The following SAMD12 variants were observed in gnomAD, a reference collection of about 807,000 sequenced individuals.
SAMD12 encodes sterile alpha motif domain-containing protein 12.
Under a neutral mutation model 15.0 loss-of-function variants are expected in SAMD12, and 9 were observed. The ratio of observed to expected loss-of-function variants is 0.60; its 90% CI spans 0.36 to 1.05. SAMD12 has a LOEUF of 1.05. Ranked by LOEUF, SAMD12 falls within the 50% of genes least tolerant of loss-of-function variation. The pLI, the probability that SAMD12 is intolerant of heterozygous loss-of-function variation, is 0.01. For synonymous variants in SAMD12, 86 were observed against 90.1 expected, an observed-to-expected ratio of 0.96 and a Z score of 0.25; for missense variants, 230 against 234.2, an observed-to-expected ratio of 0.98 and a Z score of 0.12.
intron 4 of SAMD12, among the ~76,000 whole-genome samples, chr8:118,235,367 T>C (rs995480095): frequency 6.6e-6 from 1 of 152,094 alleles, no homozygotes; most frequent in Non-Finnish European, 1.5e-5. Flanking sequence ...TGTGCCACTA[T>C]GCCCAGCTAA....
chr8:118,251,909 T>C (rs939470953), intron 4 of SAMD12, among the ~76,000 whole-genome samples: 11 of 151,728 alleles, frequency 7.2e-5, no homozygotes, highest in Admixed American at 4.6e-4. Context: ...AACAAAATAT[T>C]CAGTTGACTG....
chr8:118,489,349 C>T (rs1283372161), intron 2 of SAMD12, among the ~76,000 whole-genome samples: 1 of 152,114 alleles, frequency 6.6e-6, no homozygotes, highest in Non-Finnish European at 1.5e-5. Flanking sequence ...AATACATCTA[C>T]TTTATCATTT....
chr8:118,232,445 G>A (rs1202949321), intron 4 of SAMD12, among the ~76,000 whole-genome samples: 1 of 152,182 alleles, frequency 6.6e-6, no homozygotes, highest in African/African-American at 2.4e-5. Context: ...AACAGGTTCA[G>A]CTGGGCTGAA....
the SAMD12 span, among the ~76,000 whole-genome samples, chr8:118,178,013 C>T: frequency 6.6e-6 from 1 of 152,186 alleles, no homozygotes; most frequent in African/African-American, 2.4e-5. Context: ...AATCTGAAAA[C>T]CTGAAGCCAT....
rs190978235 is a variant in SAMD12 at position 118,294,299 on chromosome 8, C to A, written c.433+85261G>T. ...AAAGCACTGGAGCCTGACTGTACAT[C>A]CTGACTTTCCCCTGAGCTGAGCAGG... On this transcript the variant is annotated intron_variant, in intron 4 of 4. Transcript: ENST00000409003. Among the ~76,000 whole-genome samples, 6 of 152,286 alleles carry A rather than the reference C, an allele frequency of 3.9e-5. No homozygotes were observed. The East Asian group carries it at 1.2e-3, about 29-fold the overall frequency.
chr8:118,192,399 T>C (rs924402669), exon 5 of SAMD12: 4 of 152,118 alleles, frequency 2.6e-5, no homozygotes, highest in African/African-American at 9.7e-5. Context: ...TTATAAACAA[T>C]GTGGAAGGCA....
intron 2 of SAMD12, among the ~76,000 whole-genome samples, chr8:118,556,212 G>T (rs1206363700): frequency 6.6e-6 from 1 of 152,150 alleles, no homozygotes; most frequent in African/African-American, 2.4e-5. Flanking sequence ...AAGTGTCAAA[G>T]ATTTAAATGG....
At chr8:118,554,786 C>G (rs1026197949) in intron 2 of SAMD12, among the ~76,000 whole-genome samples, 1 of 152,038 alleles carries the variant, frequency 6.6e-6, no homozygotes, top group South Asian at 2.1e-4. Context: ...GCCTCAAAAG[C>G]AAAGACAAGT....
chr8:118,408,905 TTTTG>T (rs752874156), intron 3 of SAMD12, among the ~76,000 whole-genome samples: 7 of 152,038 alleles, frequency 4.6e-5, no homozygotes, highest in Non-Finnish European at 1.0e-4. Flanking sequence ...AAAAAATTAA[TTTTG>T]TTTGTTTGAG....
chr8:118,212,442 G>T (rs1464694622), intron 4 of SAMD12, among the ~76,000 whole-genome samples: 1 of 152,124 alleles, frequency 6.6e-6, no homozygotes, highest in African/African-American at 2.4e-5. Context: ...CTGCTCTAAA[G>T]AACTTGACAA....
intron 4 of SAMD12, among the ~76,000 whole-genome samples, chr8:118,244,739 C>T (rs533008810): frequency 1.5e-4 from 23 of 152,056 alleles, no homozygotes; most frequent in African/African-American, 4.8e-4. Flanking sequence ...TGATAAAATG[C>T]CCTGAGTGAG....
intron 2 of SAMD12, among the ~76,000 whole-genome samples, chr8:118,535,138 C>G (rs191135123): frequency 6.6e-6 from 1 of 152,254 alleles, no homozygotes; most frequent in Admixed American, 6.5e-5. Context: ...TGTGGATGTC[C>G]TTTCTGTTTG....
chr8:118,261,964 T>C (rs1813087890), intron 4 of SAMD12, among the ~76,000 whole-genome samples: 1 of 152,102 alleles, frequency 6.6e-6, no homozygotes, highest in African/African-American at 2.4e-5. Context: ...AAAGAAAATG[T>C]GGTATATATA....
chr8:118,347,410 A>C (rs892023446), intron 4 of SAMD12, among the ~76,000 whole-genome samples: 1 of 152,230 alleles, frequency 6.6e-6, no homozygotes. Context: ...AGACACCAGC[A>C]GGGGCCAACC....
At chr8:118,421,951 A>G (rs1020456110) in intron 3 of SAMD12, among the ~76,000 whole-genome samples, 1 of 152,264 alleles carries the variant, frequency 6.6e-6, no homozygotes, top group East Asian at 1.9e-4. Context: ...TCTTTAAAAA[A>G]GTAAAATGGG....
intron 4 of SAMD12, among the ~76,000 whole-genome samples, chr8:118,308,335 TAC>T (rs1312725215): frequency 6.6e-6 from 1 of 152,178 alleles, no homozygotes; most frequent in Non-Finnish European, 1.5e-5. Flanking sequence ...ATGGCAATGA[TAC>T]CAAGACACTT....
the SAMD12 span, among the ~76,000 whole-genome samples, chr8:118,159,173 C>T: frequency 6.6e-6 from 1 of 152,102 alleles, no homozygotes; most frequent in Admixed American, 6.5e-5. Context: ...CTAGAAACTC[C>T]CTGAGCCAGG....
intron 4 of SAMD12, among the ~76,000 whole-genome samples, chr8:118,243,437 A>G (rs1423698692): frequency 2.0e-5 from 3 of 151,378 alleles, no homozygotes; most frequent in African/African-American, 7.3e-5. Context: ...GCAAAAAGAT[A>G]ACCTGCATGC....
intron 4 of SAMD12, among the ~76,000 whole-genome samples, chr8:118,335,866 A>G (rs1175770867): frequency 6.6e-6 from 1 of 152,080 alleles, no homozygotes; most frequent in African/African-American, 2.4e-5. Flanking sequence ...CCTCCCTAGT[A>G]GCTGGGACAA....
Sources: allele counts gnomAD v4.1 joint callset (sites outside exome capture counted in the v4.1 genomes callset), GRCh38; gene constraint gnomAD v4.1.1; transcripts MANE v1.5; gene names NCBI Gene and HGNC (gene_info 2026-07-23, HGNC 2026-07-21).